The following MTX2 variants were observed in gnomAD, a reference collection of about 807,000 sequenced individuals.
The protein encoded by MTX2 is metaxin-2.
Under a neutral mutation model 42.3 loss-of-function variants are expected in MTX2, and 35 were observed. The observed-to-expected ratio is 0.83, with a 90% confidence interval of 0.63 to 1.10. The LOEUF is 1.10. MTX2 is among the 50% of genes least tolerant of loss of function. The pLI is 0.00. For synonymous variants in MTX2, 119 were observed against 100.9 expected (o/e 1.18, Z -1.08); for missense variants, 307 against 304.1 (o/e 1.01, Z -0.07).
At chr2:176,321,948 G>C (rs10930726) in intron 3 of MTX2, among the ~76,000 whole-genome samples, 13,749 of 151,494 alleles carry the variant, frequency 0.091, 673 homozygotes, top group Middle Eastern at 0.12. Context: ...GATGAATTGT[G>C]GGAAAATGAG....
chr2:176,296,769 G>A, intron 1 of MTX2, 91 bp from the exon 2 acceptor site: 1 of 1,311,322 alleles, frequency 7.6e-7, no homozygotes, highest in African/African-American at 1.5e-5. Flanking sequence ...GACTTTAAAT[G>A]CTGTAGGCAA....
intron 3 of MTX2, among the ~76,000 whole-genome samples, chr2:176,313,746 A>G (rs1002038680): frequency 2.0e-5 from 3 of 152,090 alleles, no homozygotes; most frequent in Non-Finnish European, 4.4e-5. Flanking sequence ...CTTCTTTTAA[A>G]TTAAATGTAT....
At chr2:176,307,724 ATGCTTGTGATTTT>A (rs1269304915) in intron 3 of MTX2, among the ~76,000 whole-genome samples, 4 of 152,076 alleles carry the variant, frequency 2.6e-5, no homozygotes, top group African/African-American at 7.3e-5. Flanking sequence ...GTGTATAGGA[ATGCTTGTGATTTT>A]TGCACATTGA....
intron 3 of MTX2, among the ~76,000 whole-genome samples, chr2:176,322,704 T>C (rs1684613740): frequency 6.6e-6 from 1 of 151,992 alleles, no homozygotes; most frequent in African/African-American, 2.4e-5. Flanking sequence ...TTATAATGTG[T>C]ACATTTTTTC....
At chr2:176,323,269 AT>A (rs1684627444) in intron 3 of MTX2, 122 bp from the exon 4 acceptor site, 1 of 773,018 alleles carries the variant, frequency 1.3e-6, no homozygotes, top group Non-Finnish European at 2.1e-6. Context: ...AAATTGGTTC[AT>A]TGTTTTCTAT....
chr2:176,318,164 A>AT lies in MTX2; in HGVS notation c.136-5219dup, dbSNP rs145526231. 8.8e-3 allele frequency among the ~76,000 whole-genome samples: 1,327 copies of AT among 151,016 alleles called. 22 individuals carry two copies. The highest frequency in any genetic ancestry group is 0.03 in the African/African-American group (1,241 of 41,148). On this transcript the variant is annotated intron_variant, in intron 3 of 9. Transcript: ENST00000249442. ...TGTTTCTTCATTGTTATTTTAATAGATTTTTTTTTAAAGGTTGCAGAGATA... is the reference window on the plus strand; with the variant it reads ...TGTTTCTTCATTGTTATTTTAATAGATTTTTTTTTTAAAGGTTGCAGAGATA...
chr2:176,310,080 A>G (rs187130151), intron 3 of MTX2, among the ~76,000 whole-genome samples: 40 of 151,946 alleles, frequency 2.6e-4, no homozygotes, highest in Admixed American at 2.4e-3. Context: ...TTCCTTCAGG[A>G]GCTCTTGTAA....
chr2:176,309,790 G>A (rs943958957), intron 3 of MTX2, among the ~76,000 whole-genome samples: 2 of 129,858 alleles, frequency 1.5e-5, no homozygotes, highest in Admixed American at 1.9e-4. Context: ...TTTTGAGCCT[G>A]TGTGCCTCTT....
At position 176,329,882 on chromosome 2, in the gene MTX2, CGTCT is replaced by C. The variant is rs35291332; in HGVS notation, c.543+465_543+468del. Reference sequence around the variant, plus strand: ...GCCCTGTTAAATACAGTACTTTGTCCGTCTGTCTGTCTATCTATCTGTCTATCTG... The same window carrying C: ...GCCCTGTTAAATACAGTACTTTGTCCGTCTGTCTATCTATCTGTCTATCTG... On this transcript the variant is annotated intron_variant, in intron 8 of 9. Coordinates refer to ENST00000249442, the MANE Select transcript of MTX2 (RefSeq NM_006554.5). Among the ~76,000 whole-genome samples, 9 of 148,944 alleles carry C rather than the reference CGTCT, an allele frequency of 6.0e-5. No homozygotes were observed. In the Middle Eastern group the frequency reaches 0.01, roughly 171 times the overall value.
At chr2:176,337,375 G>A (rs1685017702) in intron 9 of MTX2, 118 bp from the exon 10 acceptor site, 2 of 757,574 alleles carry the variant, frequency 2.6e-6, no homozygotes, top group Admixed American at 2.9e-5. Flanking sequence ...AAAATATTTT[G>A]GATCTGAGGT....
chr2:176,316,542 C>A (rs1047053875), intron 3 of MTX2, among the ~76,000 whole-genome samples: 4 of 152,030 alleles, frequency 2.6e-5, no homozygotes, highest in Admixed American at 6.6e-5. Context: ...GCTGGGACTA[C>A]AGGCACACAC....
chr2:176,294,379 G>A (rs540450212), intron 1 of MTX2, among the ~76,000 whole-genome samples: 1 of 151,496 alleles, frequency 6.6e-6, no homozygotes, highest in Admixed American at 6.6e-5. Context: ...CTGCCTCCTG[G>A]GTTCAAGCAA....
chr2:176,274,170 C>T (rs1185016852), intron 1 of MTX2, among the ~76,000 whole-genome samples: 1 of 151,826 alleles, frequency 6.6e-6, no homozygotes, highest in South Asian at 2.1e-4. Context: ...TGATATGTTG[C>T]CATTATGGAA....
intron 3 of MTX2, among the ~76,000 whole-genome samples, chr2:176,314,713 A>T (rs1488590131): frequency 6.6e-6 from 1 of 152,110 alleles, no homozygotes; most frequent in African/African-American, 2.4e-5. Context: ...AATTGCTGAG[A>T]TTTTAAAGGA....
At chr2:176,309,014 C>G (rs1684225120) in intron 3 of MTX2, among the ~76,000 whole-genome samples, 1 of 152,150 alleles carries the variant, frequency 6.6e-6, no homozygotes, top group South Asian at 2.1e-4. Flanking sequence ...TTCCTGCTTT[C>G]TCTTGTCGGC....
At chr2:176,310,832 A>G (rs1684286034) in intron 3 of MTX2, among the ~76,000 whole-genome samples, 1 of 152,084 alleles carries the variant, frequency 6.6e-6, no homozygotes, top group African/African-American at 2.4e-5. Flanking sequence ...CTTCCTTGCT[A>G]TGGGTTTGAA....
intron 1 of MTX2, among the ~76,000 whole-genome samples, chr2:176,278,821 A>G (rs13432177): frequency 0.26 from 38,920 of 152,038 alleles, 5,207 homozygotes; most frequent in South Asian, 0.31. Context: ...ACATTCATAT[A>G]TAGAAGTATT....
intron 3 of MTX2, among the ~76,000 whole-genome samples, chr2:176,302,784 C>G (rs1684057015): frequency 6.6e-6 from 1 of 152,146 alleles, no homozygotes; most frequent in African/African-American, 2.4e-5. Flanking sequence ...GCCATGAACA[C>G]TCACATTTCA....
intron 4 of MTX2, among the ~76,000 whole-genome samples, chr2:176,324,950 GT>G (rs1684674906): frequency 1.3e-5 from 2 of 151,778 alleles, no homozygotes; most frequent in South Asian, 4.2e-4. Context: ...TGATCTTGCG[GT>G]AGATTTTTAA....
Sources: allele counts gnomAD v4.1 joint callset (sites outside exome capture counted in the v4.1 genomes callset), GRCh38; gene constraint gnomAD v4.1.1; transcripts MANE v1.5; gene names NCBI Gene and HGNC (gene_info 2026-07-23, HGNC 2026-07-21).